The following ZNF184 variants were observed in gnomAD, a reference collection of about 807,000 sequenced individuals.
ZNF184 encodes the protein zinc finger protein 184, also known as zinc finger protein 184 (Kruppel-like).
In ZNF184, 16 loss-of-function variants were observed where a neutral mutation model predicts 54.4. The ratio of observed to expected loss-of-function variants is 0.29; its 90% CI spans 0.20 to 0.45. The LOEUF (loss-of-function observed/expected upper bound fraction) is 0.45, where lower values mean the gene tolerates loss of function less well. ZNF184 is among the 20% of genes least tolerant of loss of function. The pLI, the probability that ZNF184 is intolerant of heterozygous loss-of-function variation, is 1.00. For synonymous variants in ZNF184, 254 were observed against 295.3 expected (o/e 0.86, Z 1.43); for missense variants, 681 against 888.2 (o/e 0.77, Z 2.97).
At chr6:27,429,487 CT>C in the ZNF184 span, among the ~76,000 whole-genome samples, 3 of 152,182 alleles carry the variant, frequency 2.0e-5, no homozygotes, top group Non-Finnish European at 2.9e-5. Context: ...TTGTGCTTAT[CT>C]TTTTCAGATT....
intron 3 of ZNF184, among the ~76,000 whole-genome samples, chr6:27,461,841 CGG>C (rs1043355253): frequency 6.2e-4 from 75 of 121,688 alleles, no homozygotes; most frequent in Middle Eastern, 9.5e-3. Context: ...AGTACTGGAG[CGG>C]AGAGAGCTAC....
chr6:27,453,349 ATC>A lies in ZNF184; in HGVS notation c.299-91_299-90del. ...ATAATATAATGATACTGAAAAATAAATCTCTCAGAAAATTCTAATGGTTTTCA... is the reference window on the plus strand; with the variant it reads ...ATAATATAATGATACTGAAAAATAAATCTCAGAAAATTCTAATGGTTTTCA... On this transcript the variant is annotated intron_variant, in intron 5 of 5. Transcript: ENST00000683788. This position sits in a 1 kb window ranked among gnomAD's most constrained non-coding sequence, Gnocchi z 4.7. The A allele has an allele frequency of 7.8e-7, 1 of 1,289,922 alleles. No individual in the cohort carries two copies. Among genetic ancestry groups the A allele is most frequent in the African/African-American group, 1.5e-5 (1 of 66,206 alleles). The allele number at this position is 1,289,922 out of a possible 1,614,324, so 79.9% of individuals were successfully genotyped here.
rs1434206334 is a variant in ZNF184 at position 27,472,947 on chromosome 6, AGGGCTGGCTGTTGCCATGGT to A, written c.-378_-359del. 1 of 152,484 alleles carries A rather than the reference AGGGCTGGCTGTTGCCATGGT, an allele frequency of 6.6e-6. No homozygotes were observed. Among genetic ancestry groups the A allele is most frequent in the East Asian group, 1.9e-4 (1 of 5,208 alleles). The allele number at this position is 152,484 out of a possible 1,614,324, so 9.4% of individuals were successfully genotyped here. On this transcript the variant is annotated 5_prime_UTR_variant, in exon 1 of 6. The change abolishes an upstream ATG in the 5' untranslated region. Transcript: ENST00000683788. The surrounding 1 kb of genome is among the most constrained non-coding windows in gnomAD (Gnocchi z 4.8). ...CAGAAGGGTGACGTCACGAGTCCGGAGGGCTGGCTGTTGCCATGGTGATACCTGAGCTCCCCTCCCCCTAT... is the reference window on the plus strand; with the variant it reads ...CAGAAGGGTGACGTCACGAGTCCGGAGATACCTGAGCTCCCCTCCCCCTAT...
the ZNF184 span, among the ~76,000 whole-genome samples, chr6:27,424,158 C>T: frequency 6.6e-6 from 1 of 152,282 alleles, no homozygotes; most frequent in South Asian, 2.1e-4. Context: ...AAGCTGCAGA[C>T]CTTTGCGGTA....
chr6:27,423,950 T>C, the ZNF184 span, among the ~76,000 whole-genome samples: 2 of 152,346 alleles, frequency 1.3e-5, no homozygotes, highest in African/African-American at 4.8e-5. Flanking sequence ...GTTGAAACAT[T>C]GTAAAATTAT....
chr6:27,469,157 C>T (rs1248223518), intron 2 of ZNF184, among the ~76,000 whole-genome samples: 1 of 152,166 alleles, frequency 6.6e-6, no homozygotes, highest in Non-Finnish European at 1.5e-5. Flanking sequence ...ATTTCCTCAT[C>T]TTTAAAAGAC....
At chr6:27,464,049 C>G (rs10807025) in intron 3 of ZNF184, among the ~76,000 whole-genome samples, 99,168 of 152,012 alleles carry the variant, frequency 0.65, 32,643 homozygotes, top group Middle Eastern at 0.76. Flanking sequence ...AGACATCACT[C>G]GTCTCAACCC....
chr6:27,422,148 A>AAGAAAG, the ZNF184 span, among the ~76,000 whole-genome samples: 2 of 43,456 alleles, frequency 4.6e-5, no homozygotes, highest in African/African-American at 1.7e-4. Flanking sequence ...CTCAAAAAAA[A>AAGAAAG]AAAGAAAGAA....
intron 3 of ZNF184, among the ~76,000 whole-genome samples, chr6:27,463,181 C>A (rs903757064): frequency 6.8e-6 from 1 of 146,506 alleles, no homozygotes; most frequent in Admixed American, 6.8e-5. Context: ...TGCTAAATGA[C>A]GAGTTAATGG....
At position 27,453,729 on chromosome 6, in the gene ZNF184, T is replaced by C. The variant is rs376001757; in HGVS notation, c.299-469A>G. Among the ~76,000 whole-genome samples, 1 of 152,190 alleles carries C rather than the reference T, an allele frequency of 6.6e-6. No homozygotes were observed. The highest frequency in any genetic ancestry group is 6.5e-5 in the Admixed American group (1 of 15,276). ...GAACACTGAAGAAATAATCACATCA[T>C]TGCTAGATATGGGAAGAGTTGTAAA... On this transcript the variant is annotated intron_variant, in intron 5 of 5. Transcript: ENST00000683788. The surrounding 1 kb of genome is among the most constrained non-coding windows in gnomAD (Gnocchi z 4.7).
At chr6:27,450,293 G>A (rs904593606), downstream of ZNF184, among the ~76,000 whole-genome samples, 1 of 152,150 alleles carries the variant, frequency 6.6e-6, no homozygotes, top group Non-Finnish European at 1.5e-5. Context: ...AGGTGTTATG[G>A]ACTTAATATG....
chr6:27,407,413 G>A, the ZNF184 span, among the ~76,000 whole-genome samples: 1 of 152,138 alleles, frequency 6.6e-6, no homozygotes, highest in Non-Finnish European at 1.5e-5. Flanking sequence ...CTATGGGCAC[G>A]AGCTGGTTCC....
the ZNF184 span, among the ~76,000 whole-genome samples, chr6:27,415,265 A>G: frequency 1.3e-5 from 2 of 152,198 alleles, no homozygotes; most frequent in Non-Finnish European, 1.5e-5. Context: ...CTAATGAGTA[A>G]TCGTTGCTTA....
At chr6:27,425,109 C>T in the ZNF184 span, among the ~76,000 whole-genome samples, 2 of 152,210 alleles carry the variant, frequency 1.3e-5, no homozygotes, top group African/African-American at 2.4e-5. Context: ...CAGGGCCGGC[C>T]GGCTGCTCCG....
chr6:27,468,922 T>C (rs984741796), intron 2 of ZNF184, among the ~76,000 whole-genome samples: 1 of 152,252 alleles, frequency 6.6e-6, no homozygotes, highest in Non-Finnish European at 1.5e-5. Flanking sequence ...ATCTTGGTTA[T>C]ACTAGTTTAT....
chr6:27,472,433 C>T lies in ZNF184; in HGVS notation c.-139G>A. 2 of 1,055,008 alleles carry T rather than the reference C, an allele frequency of 1.9e-6. No homozygotes were observed. The highest frequency in any genetic ancestry group is 1.4e-5 in the South Asian group (1 of 70,616). 65.4% of individuals were successfully genotyped at this position (1,055,008 alleles called of 1,614,324 possible). ...TCTGCAACACGCTGAGGTTGTCTAC[C>T]CTAAAAGACACAGGATGGCGTCAGC... On this transcript the variant is annotated splice_region_variant and 5_prime_UTR_variant, in exon 2 of 6. Transcript: ENST00000683788. The surrounding 1 kb of genome is among the most constrained non-coding windows in gnomAD (Gnocchi z 4.8).
the ZNF184 span, among the ~76,000 whole-genome samples, chr6:27,442,519 G>A: frequency 6.6e-6 from 1 of 151,990 alleles, no homozygotes; most frequent in Admixed American, 6.6e-5. Flanking sequence ...TAGTCAGGAG[G>A]CTGAGGTGGA....
downstream of ZNF184, among the ~76,000 whole-genome samples, chr6:27,449,251 C>T (rs1762672324): frequency 6.6e-6 from 1 of 152,202 alleles, no homozygotes; most frequent in South Asian, 2.1e-4. Flanking sequence ...AAATAAATTA[C>T]ACATGAAGGT....
Position 27,453,676 on chromosome 6 carries a change from T to G in ZNF184, c.299-416A>C, listed in dbSNP as rs150330083. Among the ~76,000 whole-genome samples the G allele has an allele frequency of 1.2e-4, 19 of 152,330 alleles. No homozygotes were observed. The highest frequency in any genetic ancestry group is 4.1e-4 in the African/African-American group (17 of 41,576). ...GACAGAACAAACAGGAAAGATTTAT[T>G]AGCTAAGACCCCATGTGTTTCAGCC... On this transcript the variant is annotated intron_variant, in intron 5 of 5. Coordinates refer to ENST00000683788, the MANE Select transcript of ZNF184 (RefSeq NM_001318891.2). The surrounding 1 kb of genome is among the most constrained non-coding windows in gnomAD (Gnocchi z 4.7).
Sources: gnomAD v4.1 joint callset for allele counts (sites outside exome capture counted in the v4.1 genomes callset) on GRCh38, gnomAD v4.1.1 for gene constraint, Gnocchi (gnomAD v3.1) non-coding constraint, MANE v1.5 for transcripts, NCBI Gene and HGNC (gene_info 2026-07-23, HGNC 2026-07-21) for gene names.